GALNT13: variants seen among roughly 807,000 people sequenced by gnomAD.
The protein encoded by GALNT13 is polypeptide N-acetylgalactosaminyltransferase 13.
In GALNT13, 28 loss-of-function variants were observed where a neutral mutation model predicts 64.2. The observed-to-expected ratio is 0.44, with a 90% CI of 0.32 to 0.60. The LOEUF is 0.60. GALNT13 is among the 20% of genes least tolerant of loss of function. GALNT13 has a pLI of 0.05. For missense variants in GALNT13, 577 were observed against 669.8 expected (o/e 0.86, Z 1.53); for synonymous variants, 214 against 224.6 (o/e 0.95, Z 0.42).
At chr2:154,126,063 C>T (rs1246921930) in intron 3 of GALNT13, among the ~76,000 whole-genome samples, 1 of 152,126 alleles carries the variant, frequency 6.6e-6, no homozygotes, top group Non-Finnish European at 1.5e-5. Flanking sequence ...TTGCTACTAT[C>T]ATGTGGTTCT....
At chr2:153,986,036 T>C (rs145170712) in intron 3 of GALNT13, among the ~76,000 whole-genome samples, 1 of 152,090 alleles carries the variant, frequency 6.6e-6, no homozygotes, top group Non-Finnish European at 1.5e-5. Flanking sequence ...ATGAAATTGC[T>C]AGATAGTATT....
chr2:153,312,765 C>T, the GALNT13 span, among the ~76,000 whole-genome samples: 7 of 152,104 alleles, frequency 4.6e-5, no homozygotes, highest in African/African-American at 1.4e-4. Flanking sequence ...ATTGGATCAT[C>T]GCGTTGAGGT....
the GALNT13 span, among the ~76,000 whole-genome samples, chr2:153,227,643 C>A: frequency 6.6e-6 from 1 of 152,146 alleles, no homozygotes; most frequent in African/African-American, 2.4e-5. Context: ...CCTTCTACTT[C>A]TCTTATATTT....
At chr2:153,664,064 C>A in the GALNT13 span, among the ~76,000 whole-genome samples, 20 of 152,268 alleles carry the variant, frequency 1.3e-4, no homozygotes, top group East Asian at 3.7e-3. Context: ...TCCCGCTGGG[C>A]ACGTATTGTC....
chr2:154,348,649 A>T (rs1333939176), intron 9 of GALNT13, among the ~76,000 whole-genome samples: 3 of 151,924 alleles, frequency 2.0e-5, no homozygotes, highest in Non-Finnish European at 2.9e-5. Flanking sequence ...ATGTGCTATC[A>T]CTTGCTTCCC....
chr2:154,121,148 C>G (rs1017091262), intron 3 of GALNT13, among the ~76,000 whole-genome samples: 2 of 152,114 alleles, frequency 1.3e-5, no homozygotes, highest in African/African-American at 2.4e-5. Flanking sequence ...TCTTACCCTT[C>G]TAAGTCAGAT....
chr2:153,606,450 A>G, the GALNT13 span, among the ~76,000 whole-genome samples: 3 of 152,088 alleles, frequency 2.0e-5, no homozygotes, highest in Non-Finnish European at 4.4e-5. Flanking sequence ...ATGTGACCCA[A>G]TGCAAATTCG....
At chr2:153,805,059 CATAG>C in the GALNT13 span, among the ~76,000 whole-genome samples, 1 of 151,492 alleles carries the variant, frequency 6.6e-6, no homozygotes, top group African/African-American at 2.4e-5. Context: ...TTACGGTATA[CATAG>C]ATTGATATAT....
chr2:153,468,204 C>A, the GALNT13 span, among the ~76,000 whole-genome samples: 1 of 152,000 alleles, frequency 6.6e-6, no homozygotes, highest in African/African-American at 2.4e-5. Flanking sequence ...TCTCAAAAAT[C>A]ATTGAATCAT....
intron 3 of GALNT13, among the ~76,000 whole-genome samples, chr2:153,974,935 T>C (rs900060643): frequency 6.6e-6 from 1 of 152,010 alleles, no homozygotes; most frequent in African/African-American, 2.4e-5. Context: ...TCTTAAGTGA[T>C]AAGTGGGAAA....
At chr2:154,044,962 G>A (rs995142182) in intron 3 of GALNT13, among the ~76,000 whole-genome samples, 1 of 137,748 alleles carries the variant, frequency 7.3e-6, no homozygotes, top group South Asian at 2.6e-4. Context: ...GATTTTAGCT[G>A]GGCCTAGGAG....
the GALNT13 span, among the ~76,000 whole-genome samples, chr2:153,393,127 C>T: frequency 6.6e-6 from 1 of 151,998 alleles, no homozygotes. Flanking sequence ...TCTGGGTAAT[C>T]ATAAAGTTCA....
the GALNT13 span, among the ~76,000 whole-genome samples, chr2:153,408,877 T>A: frequency 6.6e-6 from 1 of 152,014 alleles, no homozygotes; most frequent in African/African-American, 2.4e-5. Context: ...ACTCAGTGAG[T>A]CAGAGGCAGA....
At chr2:154,419,375 A>G (rs763667944) in intron 11 of GALNT13, among the ~76,000 whole-genome samples, 1 of 152,118 alleles carries the variant, frequency 6.6e-6, no homozygotes, top group Non-Finnish European at 1.5e-5. Flanking sequence ...CTTTCTTAAG[A>G]TCTCTTAAAA....
intron 4 of GALNT13, among the ~76,000 whole-genome samples, chr2:154,222,372 T>A (rs1317042723): frequency 1.3e-5 from 2 of 152,178 alleles, no homozygotes; most frequent in African/African-American, 2.4e-5. Context: ...TCATTGAAAC[T>A]ATATTCTGAT....
At chr2:153,109,560 C>T in the GALNT13 span, among the ~76,000 whole-genome samples, 1 of 152,106 alleles carries the variant, frequency 6.6e-6, no homozygotes, top group Non-Finnish European at 1.5e-5. Flanking sequence ...GTGTCTCTTG[C>T]TGCAACAGAG....
At chr2:154,024,215 G>A (rs368490967) in intron 3 of GALNT13, among the ~76,000 whole-genome samples, 2,302 of 152,186 alleles carry the variant, frequency 0.015, 32 homozygotes, top group African/African-American at 0.023. Context: ...GGCATTCTCT[G>A]TATTTCCTGA....
At position 154,051,447 on chromosome 2, in the gene GALNT13, C is replaced by A. The variant is rs369012132; in HGVS notation, c.143-88890C>A. Among the ~76,000 whole-genome samples the A allele has an allele frequency of 6.3e-3, 957 of 151,274 alleles. 10 individuals are homozygous for A. The highest frequency in any genetic ancestry group is 0.021 in the African/African-American group (875 of 41,274). On this transcript the variant is annotated intron_variant, in intron 3 of 12. Coordinates refer to ENST00000392825, the MANE Select transcript of GALNT13 (RefSeq NM_052917.4). Reference sequence around the variant, plus strand: ...CTGGGACTACAGGCGCCCGCCACCGCGCCCGGCTAATTTTTTGTATTTTTA... The same window carrying A: ...CTGGGACTACAGGCGCCCGCCACCGAGCCCGGCTAATTTTTTGTATTTTTA...
At chr2:153,188,216 G>A in the GALNT13 span, among the ~76,000 whole-genome samples, 2 of 151,864 alleles carry the variant, frequency 1.3e-5, no homozygotes. Flanking sequence ...AGCTGCAAAT[G>A]TAATATATAA....
Sources: gnomAD v4.1 joint callset for allele counts (sites outside exome capture counted in the v4.1 genomes callset) on GRCh38, gnomAD v4.1.1 for gene constraint, MANE v1.5 for transcripts, NCBI Gene and HGNC (gene_info 2026-07-23, HGNC 2026-07-21) for gene names.